Variants in CAPN6 observed in about 807,000 individuals in gnomAD.
The protein encoded by CAPN6 is calpain-6.
CAPN6 carries 16 observed loss-of-function variants against 46.0 expected under a neutral mutation model. That is an observed-to-expected ratio of 0.35 (90% confidence interval 0.24 to 0.53). CAPN6 has a LOEUF of 0.53. CAPN6 is among the 20% of genes least tolerant of loss of function. The pLI is 0.94. For missense variants in CAPN6, 461 were observed against 498.0 expected (o/e 0.93, Z 0.71); for synonymous variants, 206 against 172.8 (o/e 1.19, Z -1.51).
chrX:111,248,405 A>T (rs765265920), intron 10 of CAPN6, among the ~76,000 whole-genome samples, 164 bp downstream of exon 10: 2 of 112,574 alleles, frequency 1.8e-5, no homozygotes, highest in Non-Finnish European at 3.8e-5. Flanking sequence ...ATTTCCCCCA[A>T]CCACCCTTTG....
chrX:111,249,396 G>A (rs2094977272), intron 8 of CAPN6, among the ~76,000 whole-genome samples: 1 of 110,377 alleles, frequency 9.1e-6, no homozygotes, highest in Admixed American at 9.7e-5. Context: ...GTATTTAAAT[G>A]CCATATATAG....
intron 2 of CAPN6, among the ~76,000 whole-genome samples, chrX:111,258,162 C>A (rs1159670199): frequency 9.0e-6 from 1 of 111,729 alleles, no homozygotes; most frequent in Non-Finnish European, 1.9e-5. Flanking sequence ...TCCCTTTGCA[C>A]CTACCACATC....
chrX:111,260,198 C>A (rs990262175), intron 2 of CAPN6, among the ~76,000 whole-genome samples: 6 of 110,234 alleles, frequency 5.4e-5, no homozygotes, highest in Admixed American at 4.8e-4. Context: ...TCTGAAGAGG[C>A]TCCTTAAAAC....
intron 6 of CAPN6, 52 bp downstream of exon 6, chrX:111,251,497 G>A: frequency 9.6e-7 from 1 of 1,046,033 alleles, no homozygotes; most frequent in East Asian, 3.0e-5. Flanking sequence ...GATGGGTCTG[G>A]GAGAACTACA....
At chrX:111,268,780 G>A (rs1603409460) in intron 1 of CAPN6, among the ~76,000 whole-genome samples, 1 of 112,344 alleles carries the variant, frequency 8.9e-6, no homozygotes, top group East Asian at 2.8e-4. Flanking sequence ...TGGAAAGTCT[G>A]TTAGAAATCA....
Position 111,248,742 on chromosome X carries a change from G to T in CAPN6, c.1311C>A (p.His437Gln). The change falls in exon 10 of 13, where the codon CAC becomes CAA. Residue 437 changes from histidine to glutamine, a missense_variant. By Grantham distance (24) the His-to-Gln change is conservative. Transcript: ENST00000324068. ...CAGCACGCTCCTGGATGTAGAGGTG[G>T]TGGAGGCGGAATTTGCGGTTCATCT... ...KVEMNRKFRL[H>Q]HLYIQERAGT... 1 of 1,211,434 alleles carries T rather than the reference G, an allele frequency of 8.3e-7. No individual in the cohort carries two copies. The highest frequency in any genetic ancestry group is 1.1e-6 in the Non-Finnish European group (1 of 895,260).
intron 2 of CAPN6, among the ~76,000 whole-genome samples, chrX:111,261,114 T>G (rs752181080): frequency 8.9e-6 from 1 of 112,517 alleles, no homozygotes; most frequent in African/African-American, 3.2e-5. Flanking sequence ...GAGAACTGAC[T>G]GGAGGGAAGC....
intron 1 of CAPN6, among the ~76,000 whole-genome samples, chrX:111,267,581 C>T (rs763820746): frequency 2.2e-4 from 25 of 111,353 alleles, no homozygotes; most frequent in Non-Finnish European, 3.6e-4. Flanking sequence ...AAATCTCTTG[C>T]TTCTTAACCT....
At position 111,246,309 on chromosome X, in the gene CAPN6, G is replaced by A. The variant is rs1003046059; in HGVS notation, c.*268C>T. On this transcript the variant is annotated 3_prime_UTR_variant, in exon 13 of 13. Coordinates refer to ENST00000324068, the MANE Select transcript of CAPN6 (RefSeq NM_014289.4). ...ATTGTCCTACTTGAATCTCACCCCCGGAAGCCCCAGAGATCCTTTCTTGGC... is the reference window on the plus strand; with the variant it reads ...ATTGTCCTACTTGAATCTCACCCCCAGAAGCCCCAGAGATCCTTTCTTGGC... The A allele has an allele frequency of 3.0e-5, 10 of 331,060 alleles. No homozygotes were observed. Among genetic ancestry groups the A allele is most frequent in the South Asian group, 1.4e-4 (2 of 14,100 alleles). 27.3% of individuals were successfully genotyped at this position (331,060 alleles called of 1,213,427 possible). A position where few individuals can be genotyped will look rare whatever the true frequency, so the allele number is the denominator to read the frequency against.
At chrX:111,258,808 C>T (rs1373973942) in intron 2 of CAPN6, among the ~76,000 whole-genome samples, 2 of 111,889 alleles carry the variant, frequency 1.8e-5, no homozygotes, top group Admixed American at 9.5e-5. Context: ...GCACAGATCC[C>T]GAACTGCTTT....
intron 4 of CAPN6, among the ~76,000 whole-genome samples, 174 bp downstream of exon 4, chrX:111,252,834 C>T (rs1454306899): frequency 1.8e-5 from 2 of 111,915 alleles, no homozygotes; most frequent in African/African-American, 6.5e-5. Context: ...ATTTCTCTCT[C>T]ATCTAAGATT....
rs41310701 is a variant in CAPN6, at chrX:111,245,275, G to C, written c.*1302C>G. The C allele has an allele frequency of 8.9e-6, 1 of 111,963 alleles. No homozygotes were observed. The highest frequency in any genetic ancestry group is 1.9e-5 in the Non-Finnish European group (1 of 53,192). 9.2% of individuals were successfully genotyped at this position (111,963 alleles called of 1,213,427 possible). On this transcript the variant is annotated 3_prime_UTR_variant, in exon 13 of 13. Coordinates refer to ENST00000324068, the MANE Select transcript of CAPN6 (RefSeq NM_014289.4). ...ACTATGTTTCTTTTTCATCATTGCAGAAGCGTTGAAATATTGTTGAAGGTG... is the reference window on the plus strand; with the variant it reads ...ACTATGTTTCTTTTTCATCATTGCACAAGCGTTGAAATATTGTTGAAGGTG...
intron 2 of CAPN6, among the ~76,000 whole-genome samples, chrX:111,255,139 G>A (rs1205880323): frequency 1.8e-5 from 2 of 111,958 alleles, no homozygotes; most frequent in East Asian, 5.6e-4. Flanking sequence ...CATATTAACT[G>A]TGCCTTTCCC....
At chrX:111,266,283 A>G (rs1195765377) in intron 1 of CAPN6, among the ~76,000 whole-genome samples, 1 of 107,882 alleles carries the variant, frequency 9.3e-6, no homozygotes, top group Non-Finnish European at 1.9e-5. Context: ...CTGACTGGGC[A>G]ACAGAACTGT....
In CAPN6 at chrX:111,246,529, A is replaced by G; in HGVS notation, c.*48T>C. 1 of 1,086,629 alleles carries G rather than the reference A, an allele frequency of 9.2e-7. No individual in the cohort carries two copies. Among genetic ancestry groups the G allele is most frequent in the Non-Finnish European group, 1.3e-6 (1 of 792,650 alleles). The allele number at this position is 1,086,629 out of a possible 1,213,427, so 89.6% of individuals were successfully genotyped here. On this transcript the variant is annotated 3_prime_UTR_variant, in exon 13 of 13. Coordinates refer to ENST00000324068, the MANE Select transcript of CAPN6 (RefSeq NM_014289.4). ...TTAACTAAGACCTGGCACCTGACGG[A>G]AAATAAAAGGGTGGCACGCTTTGTC...
chrX:111,251,323 A>C, intron 6 of CAPN6, 37 bp from the exon 7 acceptor site: 1 of 1,135,575 alleles, frequency 8.8e-7, no homozygotes. Context: ...AAGATAAATC[A>C]TTATGTTTGC....
At chrX:111,260,223 G>A (rs17878805) in intron 2 of CAPN6, among the ~76,000 whole-genome samples, 1,750 of 109,586 alleles carry the variant, frequency 0.016, 17 homozygotes, top group African/African-American at 0.041. Flanking sequence ...CAAAGAAGTG[G>A]CAAGTGGGAG....
At chrX:111,249,347 T>C in intron 8 of CAPN6, among the ~76,000 whole-genome samples, 1 of 111,463 alleles carries the variant, frequency 9.0e-6, no homozygotes, top group Middle Eastern at 4.7e-3. Context: ...TGGTAAATTA[T>C]TGTATTATTA....
chrX:111,260,260 T>A (rs913062702), intron 2 of CAPN6, among the ~76,000 whole-genome samples: 8 of 34,022 alleles, frequency 2.4e-4, no homozygotes, highest in African/African-American at 8.8e-4. Context: ...TGCCCAAGAA[T>A]GGGGCGGCGG....
Sources: allele counts gnomAD v4.1 joint callset (sites outside exome capture counted in the v4.1 genomes callset), GRCh38; gene constraint gnomAD v4.1.1; transcripts MANE v1.5; gene names NCBI Gene and HGNC (gene_info 2026-07-23, HGNC 2026-07-21).